Variants in GPATCH1 observed in about 807,000 individuals in gnomAD.
GPATCH1 encodes the protein G-patch domain containing 1.
A neutral mutation model predicts 114.9 loss-of-function variants in GPATCH1; 73 were observed. The ratio of observed to expected loss-of-function variants is 0.64; its 90% confidence interval spans 0.53 to 0.77. The LOEUF is 0.77. Among genes scored for constraint, GPATCH1 ranks in the 30% least tolerant of loss-of-function variants. The probability of loss-of-function intolerance (pLI) is 0.00; values close to 1 mark genes in which losing one functional copy is unlikely to be tolerated. For synonymous variants in GPATCH1, 391 were observed against 428.4 expected (o/e 0.91, Z 1.08); for missense variants, 1,058 against 1,144.3 (o/e 0.92, Z 1.09).
intron 9 of GPATCH1, among the ~76,000 whole-genome samples, chr19:33,103,662 C>T (rs1387098960): frequency 2.0e-5 from 3 of 151,978 alleles, no homozygotes; most frequent in Non-Finnish European, 2.9e-5. Flanking sequence ...GATTGTGCCA[C>T]TGCACGTCTA....
intron 9 of GPATCH1, among the ~76,000 whole-genome samples, chr19:33,101,821 G>C (rs1972729760): frequency 6.6e-6 from 1 of 151,806 alleles, no homozygotes; most frequent in Admixed American, 6.6e-5. Flanking sequence ...CCTGAGGTCG[G>C]GAGTTTAAGA....
intron 15 of GPATCH1, among the ~76,000 whole-genome samples, chr19:33,114,901 G>A (rs368933710): frequency 7.2e-6 from 1 of 139,574 alleles, no homozygotes; most frequent in East Asian, 2.4e-4. Context: ...CTCCCCTCCC[G>A]GGTTCAAGTG....
intron 14 of GPATCH1, 118 bp from the exon 15 acceptor site, chr19:33,114,135 A>G (rs1240680422): frequency 9.7e-7 from 1 of 1,034,774 alleles, no homozygotes; most frequent in East Asian, 2.4e-5. Flanking sequence ...CCAGGACCCT[A>G]CACAGTGCCA....
rs759704578 is a variant in GPATCH1, at chr19:33,111,781, G to A, written c.1643G>A (p.Arg548Gln). The stretch of plus-strand genomic sequence containing the variant: ...ACAGAGTGGGAGCGAGGCCGTGAGC[G>A]GGATGAGTTTGCCCGGGCGGCCCTG... ...SMTEWERGRERDEFARAALLY... is the reference protein window; with the variant it reads ...SMTEWERGREQDEFARAALLY... Residue 548 changes from arginine (R) to glutamine (Q), a missense_variant, in exon 12 of 20, where the codon CGG becomes CAG. Physicochemically the swap from Arg to Gln is conservative, Grantham distance 43 (BLOSUM62 1). Around this residue, in one of 3 missense-constraint regions of GPATCH1, gnomAD observed 893 missense variants for 977.4 expected, o/e 0.91. Transcript: ENST00000170564. 13 of 1,613,982 alleles carry A rather than the reference G, an allele frequency of 8.1e-6. No homozygotes were observed. The highest frequency in any genetic ancestry group is 2.2e-5 in the East Asian group (1 of 44,880).
intron 3 of GPATCH1, among the ~76,000 whole-genome samples, chr19:33,092,450 G>T (rs1321400847): frequency 6.6e-6 from 1 of 152,028 alleles, no homozygotes; most frequent in Non-Finnish European, 1.5e-5. Flanking sequence ...CATTCCTAAC[G>T]CAGTCCCTGG....
At chr19:33,105,767 G>C (rs1013965358) in intron 9 of GPATCH1, among the ~76,000 whole-genome samples, 2 of 151,212 alleles carry the variant, frequency 1.3e-5, no homozygotes, top group Non-Finnish European at 2.9e-5. Flanking sequence ...TAAGTGATCT[G>C]CCTACCTTGT....
chr19:33,085,120 G>C (rs745641517), intron 1 of GPATCH1, among the ~76,000 whole-genome samples: 2 of 152,124 alleles, frequency 1.3e-5, no homozygotes, highest in African/African-American at 2.4e-5. Flanking sequence ...TTCTCTGCTG[G>C]GCTCGGAGTG....
At chr19:33,127,011 T>C (rs1166405219) in intron 19 of GPATCH1, among the ~76,000 whole-genome samples, 1 of 151,466 alleles carries the variant, frequency 6.6e-6, no homozygotes, top group African/African-American at 2.4e-5. Context: ...GGTGCACACC[T>C]GTGCCTCCAG....
At chr19:33,115,207 C>A (rs1164298326) in intron 15 of GPATCH1, among the ~76,000 whole-genome samples, 2 of 146,440 alleles carry the variant, frequency 1.4e-5, no homozygotes, top group African/African-American at 2.5e-5. Flanking sequence ...TGCGGGCACA[C>A]ACCACCATGC....
chr19:33,106,090 C>A (rs1972781430), intron 9 of GPATCH1, among the ~76,000 whole-genome samples: 1 of 152,164 alleles, frequency 6.6e-6, no homozygotes, highest in African/African-American at 2.4e-5. Context: ...CTCAGGTGAT[C>A]CACCCGCCTT....
chr19:33,111,748 C>G lies in GPATCH1; in HGVS notation c.1610C>G (p.Pro537Arg). 6.2e-7 allele frequency: 1 copy of G among 1,614,082 alleles called. No homozygotes were observed. Among genetic ancestry groups the G allele is most frequent in the Non-Finnish European group, 8.5e-7 (1 of 1,180,018 alleles). ...QKDALERCLD[P>R]SMTEWERGRE... ...GATGCTCTGGAACGCTGTCTGGACC[C>G]CAGCATGACAGAGTGGGAGCGAGGC... The change falls in exon 12 of 20, where the codon CCC becomes CGC. Residue 537 changes from proline to arginine, a missense_variant. By Grantham distance (103) the Pro-to-Arg change is moderately radical. This residue lies in a region of GPATCH1 where 893 missense variants were observed against 977.4 expected (regional missense o/e 0.91). Transcript: ENST00000170564.
At chr19:33,105,444 A>T (rs1972773340) in intron 9 of GPATCH1, among the ~76,000 whole-genome samples, 1 of 151,624 alleles carries the variant, frequency 6.6e-6, no homozygotes, top group South Asian at 2.1e-4. Flanking sequence ...AGAAAAAAGA[A>T]AGCCCGAAGC....
At chr19:33,108,831 A>G (rs1972816927) in intron 10 of GPATCH1, among the ~76,000 whole-genome samples, 1 of 152,152 alleles carries the variant, frequency 6.6e-6, no homozygotes, top group Non-Finnish European at 1.5e-5. Context: ...GGTGGACTGC[A>G]GGTCTGGAGC....
Position 33,081,208 on chromosome 19 carries a change from C to T in GPATCH1, c.15C>T (p.Asp5=), listed in dbSNP as rs1972471133. 3.9e-6 allele frequency: 6 copies of T among 1,551,522 alleles called. No individual in the cohort carries two copies. The highest frequency in any genetic ancestry group is 5.2e-6 in the Non-Finnish European group (6 of 1,146,940). Residue 5 remains aspartate, a synonymous_variant, in exon 1 of 20, where the codon GAC becomes GAT. Coordinates refer to ENST00000170564, the MANE Select transcript of GPATCH1 (RefSeq NM_018025.3). ...GGAAGAGCAGGATGGCGGCGCGGGA[C>T]AGTGACAGCGAAGAAGATCTGGTCA... MAAR[D]SDSEEDLVSY...
chr19:33,094,291 C>T (rs74257353), intron 5 of GPATCH1, 22 bp downstream of exon 5: 44,909 of 1,202,902 alleles, frequency 0.037, 1,468 homozygotes, highest in East Asian at 0.18. Context: ...AATTGATTAA[C>T]TGTTATCACT....
chr19:33,093,303 T>G, intron 3 of GPATCH1, 56 bp from the exon 4 acceptor site: 1 of 1,120,804 alleles, frequency 8.9e-7, no homozygotes, highest in Non-Finnish European at 1.3e-6. Context: ...AACTATGTGA[T>G]GTATTGTGTA....
chr19:33,111,202 T>G (rs1260320906), intron 11 of GPATCH1, among the ~76,000 whole-genome samples: 2 of 151,120 alleles, frequency 1.3e-5, no homozygotes, highest in Non-Finnish European at 2.9e-5. Context: ...CTGGTAATTT[T>G]TTGTTTCCCG....
intron 5 of GPATCH1, 138 bp downstream of exon 5, chr19:33,094,407 C>G: frequency 1.7e-6 from 1 of 591,752 alleles, no homozygotes; most frequent in Non-Finnish European, 3.0e-6. Flanking sequence ...ACCTCCCGGG[C>G]TCAAGTGATC....
rs117385869 is a variant in GPATCH1, at chr19:33,130,124, T to C, written c.2766-6T>C. The C allele has an allele frequency of 4.1e-3, 6,635 of 1,610,422 alleles. 18 individuals are homozygous for C. Among genetic ancestry groups the C allele is most frequent in the Non-Finnish European group, 4.9e-3 (5,783 of 1,176,704 alleles). ...CCATTTCTCTCTTTTCTGTTTTCTT[T>C]TCCAGGCTGAAAAGTCTTCCACTAA... On this transcript the variant is annotated splice_polypyrimidine_tract_variant and splice_region_variant and intron_variant, in intron 19 of 19. Transcript: ENST00000170564.
Sources: gnomAD v4.1 joint callset for allele counts (sites outside exome capture counted in the v4.1 genomes callset) on GRCh38, gnomAD v4.1.1 for gene constraint, gnomAD v4.1.1 regional missense constraint, MANE v1.5 for transcripts, NCBI Gene and HGNC (gene_info 2026-07-23, HGNC 2026-07-21) for gene names.